Variants in RNASEH2B observed in about 807,000 individuals in gnomAD.
The protein encoded by RNASEH2B is ribonuclease H2 subunit B.
Under a neutral mutation model 45.0 loss-of-function variants are expected in RNASEH2B, and 36 were observed. The observed-to-expected ratio is 0.80, with a 90% confidence interval of 0.61 to 1.06. The LOEUF (loss-of-function observed/expected upper bound fraction) is 1.06. RNASEH2B is among the 50% of genes least tolerant of loss of function. The pLI is 0.00. For missense variants in RNASEH2B, 361 were observed against 360.3 expected (o/e 1.00, Z -0.02); for synonymous variants, 119 against 125.7 (o/e 0.95, Z 0.35).
chr13:50,957,776 T>G (rs1031072654), downstream of RNASEH2B, among the ~76,000 whole-genome samples: 5 of 152,212 alleles, frequency 3.3e-5, no homozygotes, highest in African/African-American at 1.2e-4. Context: ...CTGTTATTTT[T>G]TTACTTTTAA....
At chr13:50,957,590 A>G (rs1952068186), downstream of RNASEH2B, among the ~76,000 whole-genome samples, 1 of 152,126 alleles carries the variant, frequency 6.6e-6, no homozygotes, top group South Asian at 2.1e-4. Context: ...TTGGTAGAAT[A>G]ATTTATTTTC....
At chr13:50,910,240 C>A in intron 1 of RNASEH2B, 100 bp downstream of exon 1, 2 of 754,910 alleles carry the variant, frequency 2.6e-6, no homozygotes, top group Non-Finnish European at 3.8e-6. Flanking sequence ...TCCCACTACC[C>A]GGCCCGGCGC....
At chr13:50,966,282 T>G (rs889290573) in intron 9 of RNASEH2B, among the ~76,000 whole-genome samples, 1 of 152,238 alleles carries the variant, frequency 6.6e-6, no homozygotes, top group African/African-American at 2.4e-5. Flanking sequence ...CTACATAGCC[T>G]GTCCTTTAGA....
At chr13:50,945,837 T>C (rs1407684705) in intron 7 of RNASEH2B, among the ~76,000 whole-genome samples, 3 of 152,336 alleles carry the variant, frequency 2.0e-5, no homozygotes, top group African/African-American at 4.8e-5. Context: ...CTTTGCTAAG[T>C]TGCCACTATA....
chr13:50,964,497 C>A (rs928030159), intron 9 of RNASEH2B, among the ~76,000 whole-genome samples: 7 of 152,026 alleles, frequency 4.6e-5, no homozygotes, highest in African/African-American at 1.7e-4. Flanking sequence ...TGACACCCAC[C>A]CAAAGCTCAA....
Position 50,934,899 on chromosome 13 carries a change from C to G in RNASEH2B, c.336C>G (p.Pro112=), listed in dbSNP as rs1161911136. ...IKADKEGKFQ[P]LDQVVVDNVF... ...TGTTTTTTCAGGGGAAGTTTCAGCC[C>G]CTTGATCAAGTTGTGGTGGATAACG... is the stretch of plus-strand genomic sequence containing the variant. The change falls in exon 5 of 11, where the codon CCC becomes CCG. Residue 112 remains proline, a synonymous_variant. Coordinates refer to ENST00000336617, the MANE Select transcript of RNASEH2B (RefSeq NM_024570.4). The G allele has an allele frequency of 4.3e-6, 7 of 1,612,632 alleles. No homozygotes were observed. The highest frequency in any genetic ancestry group is 3.3e-5 in the South Asian group (3 of 90,972).
chr13:50,917,727 A>G (rs756233519), intron 1 of RNASEH2B, among the ~76,000 whole-genome samples: 1 of 152,194 alleles, frequency 6.6e-6, no homozygotes, highest in Non-Finnish European at 1.5e-5. Context: ...TGCATGTGCC[A>G]GAGGCCACTC....
intron 10 of RNASEH2B, chr13:50,954,596 A>G (rs1468490252): frequency 6.6e-6 from 1 of 152,606 alleles, no homozygotes; most frequent in Non-Finnish European, 1.5e-5. Flanking sequence ...ATTTCCCTAT[A>G]TTTGGACATA....
chr13:50,941,406 G>A (rs1951831955), intron 5 of RNASEH2B: 1 of 152,202 alleles, frequency 6.6e-6, no homozygotes, highest in African/African-American at 2.4e-5. Flanking sequence ...AATTCCCAGA[G>A]GTAGAGGAGA....
chr13:50,913,899 T>C (rs1364491780), intron 1 of RNASEH2B, among the ~76,000 whole-genome samples: 1 of 152,134 alleles, frequency 6.6e-6, no homozygotes, highest in African/African-American at 2.4e-5. Flanking sequence ...CAAAAATAGA[T>C]GTGGAAGGAT....
At position 50,962,140 on chromosome 13, in the gene RNASEH2B, A is replaced by G. The variant is rs74359656; in HGVS notation, c.742-7792A>G. Among the ~76,000 whole-genome samples the G allele has an allele frequency of 5.1e-4, 78 of 152,068 alleles. 2 individuals carry two copies. The South Asian group carries it at 0.012, about 23-fold the overall frequency. On this transcript the variant is annotated intron_variant, in intron 9 of 9. Coordinates refer to the RNASEH2B transcript ENST00000422660. The stretch of plus-strand genomic sequence containing the variant: ...TAAGTACTTTTTTGTATCTCTGTTC[A>G]TGAGGGATATTGGTCTGTGGTTTTC...
intron 6 of RNASEH2B, among the ~76,000 whole-genome samples, chr13:50,943,720 C>T (rs1052236664): frequency 6.6e-6 from 1 of 152,158 alleles, no homozygotes; most frequent in African/African-American, 2.4e-5. Flanking sequence ...TGGCCACTGT[C>T]AGTCCTGCAG....
chr13:50,918,295 G>A (rs1323433144), intron 1 of RNASEH2B, among the ~76,000 whole-genome samples: 1 of 152,020 alleles, frequency 6.6e-6, no homozygotes, highest in Non-Finnish European at 1.5e-5. Context: ...CCGCCACCAT[G>A]CCCAGCTAAT....
At chr13:50,931,787 T>C (rs1464738176) in intron 4 of RNASEH2B, among the ~76,000 whole-genome samples, 2 of 152,344 alleles carry the variant, frequency 1.3e-5, no homozygotes, top group East Asian at 1.9e-4. Context: ...TGTGAAACTT[T>C]GTCAGTTAAC....
intron 9 of RNASEH2B, among the ~76,000 whole-genome samples, chr13:50,964,970 C>T (rs1952150344): frequency 6.6e-6 from 1 of 152,298 alleles, no homozygotes; most frequent in South Asian, 2.1e-4. Flanking sequence ...CAGTACTCTC[C>T]ATACCATTTT....
intron 9 of RNASEH2B, among the ~76,000 whole-genome samples, chr13:50,969,623 C>T (rs1046825710): frequency 6.6e-6 from 1 of 151,784 alleles, no homozygotes; most frequent in Non-Finnish European, 1.5e-5. Flanking sequence ...AAGATGGTGC[C>T]CATCCTGTAA....
intron 1 of RNASEH2B, among the ~76,000 whole-genome samples, chr13:50,918,806 G>A (rs1308360276): frequency 2.0e-5 from 3 of 152,154 alleles, no homozygotes; most frequent in Admixed American, 2.0e-4. Context: ...GACGGGGAGG[G>A]TCTGAATATA....
intron 1 of RNASEH2B, among the ~76,000 whole-genome samples, chr13:50,925,863 T>C (rs916999979): frequency 2.6e-5 from 4 of 152,300 alleles, no homozygotes; most frequent in African/African-American, 9.6e-5. Context: ...GTCTCTGGAA[T>C]TCTTAGCATC....
intron 9 of RNASEH2B, among the ~76,000 whole-genome samples, chr13:50,968,772 A>G (rs532418058): frequency 6.6e-6 from 1 of 152,356 alleles, no homozygotes; most frequent in East Asian, 1.9e-4. Flanking sequence ...TTGCATGTCA[A>G]ATCTTTAATT....
Sources: allele counts gnomAD v4.1 joint callset (sites outside exome capture counted in the v4.1 genomes callset), GRCh38; gene constraint gnomAD v4.1.1; transcripts MANE v1.5; gene names NCBI Gene and HGNC (gene_info 2026-07-23, HGNC 2026-07-21).